SAMD5: variants seen among roughly 807,000 people sequenced by gnomAD.
The protein encoded by SAMD5 is sterile alpha motif domain containing 5, also known as sterile alpha motif domain-containing protein 5.
SAMD5 carries 13 observed loss-of-function variants against 11.3 expected under a neutral mutation model. The observed-to-expected ratio is 1.15, with a 90% CI of 0.75 to 1.83. The LOEUF (loss-of-function observed/expected upper bound fraction) is 1.83, where lower values mean the gene tolerates loss of function less well. Among genes scored for constraint, SAMD5 ranks in the 40% most tolerant of loss-of-function variants. The pLI, the probability that SAMD5 is intolerant of heterozygous loss-of-function variation, is 0.00. For synonymous variants in SAMD5, 129 were observed against 111.3 expected (o/e 1.16, Z -1.00); for missense variants, 255 against 239.1 (o/e 1.07, Z -0.44).
chr6:147,509,545 C>G (rs1277888528), intron 1 of SAMD5, among the ~76,000 whole-genome samples, 158 bp downstream of exon 1: 1 of 152,076 alleles, frequency 6.6e-6, no homozygotes, highest in Non-Finnish European at 1.5e-5. Context: ...CTGTATTAGC[C>G]CATTATTTCG....
the SAMD5 span, among the ~76,000 whole-genome samples, chr6:147,770,410 A>G: frequency 6.6e-6 from 1 of 152,244 alleles, no homozygotes; most frequent in Admixed American, 6.5e-5. Flanking sequence ...ACTTATGACT[A>G]TCAGCATGAT....
chr6:147,562,806 A>G (rs1210803393), intron 1 of SAMD5, among the ~76,000 whole-genome samples: 1 of 151,790 alleles, frequency 6.6e-6, no homozygotes, highest in South Asian at 2.1e-4. Context: ...TGGGAGACAG[A>G]GCGAGACTCC....
At chr6:147,724,135 A>G (rs1331383170) in intron 1 of SAMD5, among the ~76,000 whole-genome samples, 3 of 152,074 alleles carry the variant, frequency 2.0e-5, no homozygotes, top group African/African-American at 4.8e-5. Flanking sequence ...AAAAAAATAT[A>G]TATATTTTTT....
intron 1 of SAMD5, among the ~76,000 whole-genome samples, chr6:147,639,755 A>G (rs1790282296): frequency 6.6e-6 from 1 of 152,218 alleles, no homozygotes; most frequent in Non-Finnish European, 1.5e-5. Context: ...ATCATGAGAT[A>G]AGAGTTATTC....
intron 1 of SAMD5, among the ~76,000 whole-genome samples, chr6:147,602,617 G>C (rs1789639591): frequency 6.6e-6 from 1 of 152,134 alleles, no homozygotes. Flanking sequence ...GGTGGCGGTT[G>C]CCTGTAATCC....
intron 1 of SAMD5, among the ~76,000 whole-genome samples, chr6:147,604,298 T>C (rs1789666130): frequency 1.3e-5 from 2 of 152,190 alleles, no homozygotes. Flanking sequence ...TTTTTAACAT[T>C]GCCCTTAATT....
intron 1 of SAMD5, among the ~76,000 whole-genome samples, chr6:147,703,158 C>G (rs949744516): frequency 6.6e-6 from 1 of 152,048 alleles, no homozygotes; most frequent in East Asian, 1.9e-4. Flanking sequence ...ACCTCTGCCT[C>G]CCAGGTTCAA....
At position 147,525,761 on chromosome 6, in the gene SAMD5, C is replaced by A. The variant is rs560192236; in HGVS notation, c.459+16374C>A. 9.2e-5 allele frequency among the ~76,000 whole-genome samples: 14 copies of A among 152,256 alleles called. No homozygotes were observed. In the East Asian group the frequency reaches 2.7e-3, roughly 29 times the overall value. On this transcript the variant is annotated intron_variant, in intron 1 of 1. Transcript: ENST00000367474. Reference sequence around the variant, plus strand: ...TTTGCCAGTCAGCATTAGGGAGGCACTGGTTACTGCCAATGTCCCTGAATG... The same window carrying A: ...TTTGCCAGTCAGCATTAGGGAGGCAATGGTTACTGCCAATGTCCCTGAATG...
the SAMD5 span, among the ~76,000 whole-genome samples, chr6:147,842,377 T>C: frequency 6.0e-5 from 9 of 149,836 alleles, no homozygotes; most frequent in African/African-American, 2.2e-4. Flanking sequence ...TCCCAGGTTG[T>C]TGGAGAATTT....
chr6:147,556,218 G>C (rs555092940), intron 1 of SAMD5, among the ~76,000 whole-genome samples: 4 of 151,052 alleles, frequency 2.6e-5, no homozygotes, highest in Admixed American at 6.6e-5. Flanking sequence ...TCAGCCTCCC[G>C]AGTAGCTGGG....
the SAMD5 span, among the ~76,000 whole-genome samples, chr6:147,896,473 G>A: frequency 6.6e-6 from 1 of 152,076 alleles, no homozygotes. Context: ...GCTCTGGAAG[G>A]AGAGGAGGTA....
intron 1 of SAMD5, among the ~76,000 whole-genome samples, chr6:147,523,747 C>T (rs660814): frequency 0.35 from 52,595 of 151,924 alleles, 9,163 homozygotes; most frequent in Admixed American, 0.38. Flanking sequence ...AGGGGCAAAA[C>T]GTGAAATGTG....
chr6:147,720,761 A>G (rs1324738906), intron 1 of SAMD5, among the ~76,000 whole-genome samples: 2 of 151,460 alleles, frequency 1.3e-5, no homozygotes, highest in East Asian at 3.9e-4. Context: ...GGTTAGTTCC[A>G]TATGTATACA....
At chr6:147,607,687 A>C (rs1297638466) in intron 1 of SAMD5, among the ~76,000 whole-genome samples, 1 of 152,230 alleles carries the variant, frequency 6.6e-6, no homozygotes, top group Non-Finnish European at 1.5e-5. Context: ...CGATGAAACC[A>C]CTACAAGAAA....
the SAMD5 span, among the ~76,000 whole-genome samples, chr6:147,831,654 G>C: frequency 6.6e-6 from 1 of 152,202 alleles, no homozygotes; most frequent in African/African-American, 2.4e-5. Context: ...CCCAAGGCAA[G>C]TCAGGGGAAA....
At chr6:147,793,811 G>C in the SAMD5 span, among the ~76,000 whole-genome samples, 20,291 of 152,074 alleles carry the variant, frequency 0.13, 1,702 homozygotes, top group East Asian at 0.36. Flanking sequence ...ACATTGTCTT[G>C]GTTACTGTAG....
At chr6:147,576,286 G>A (rs979915802) in intron 1 of SAMD5, among the ~76,000 whole-genome samples, 33 of 151,978 alleles carry the variant, frequency 2.2e-4, no homozygotes, top group African/African-American at 7.2e-4. Context: ...GATTACAGGC[G>A]TGCACCACCA....
chr6:147,728,884 TATTTA>T (rs1351462639), intron 1 of SAMD5, among the ~76,000 whole-genome samples: 2 of 152,252 alleles, frequency 1.3e-5, no homozygotes, highest in African/African-American at 4.8e-5. Flanking sequence ...CTTCTGTATC[TATTTA>T]ATTTTGAAAT....
At chr6:147,660,418 C>A (rs1038927520) in intron 1 of SAMD5, among the ~76,000 whole-genome samples, 20 of 152,172 alleles carry the variant, frequency 1.3e-4, no homozygotes, top group African/African-American at 4.8e-4. Context: ...TGCTTCCCTA[C>A]CATGCTGAGC....
Sources: gnomAD v4.1 joint callset for allele counts (sites outside exome capture counted in the v4.1 genomes callset) on GRCh38, gnomAD v4.1.1 for gene constraint, MANE v1.5 for transcripts, NCBI Gene and HGNC (gene_info 2026-07-23, HGNC 2026-07-21) for gene names.